Variants in ZMYM1 observed in about 807,000 individuals in gnomAD.
The protein encoded by ZMYM1 is zinc finger MYM-type containing 1.
ZMYM1 carries 39 observed loss-of-function variants against 60.0 expected under a neutral mutation model. The ratio of observed to expected loss-of-function variants is 0.65; its 90% CI spans 0.50 to 0.85. ZMYM1 has a LOEUF of 0.85. Among genes scored for constraint, ZMYM1 ranks in the 40% least tolerant of loss-of-function variants. The pLI is 0.00. For synonymous variants in ZMYM1, 413 were observed against 454.0 expected (o/e 0.91, Z 1.15); for missense variants, 1,171 against 1,309.5 (o/e 0.89, Z 1.63).
intron 1 of ZMYM1, among the ~76,000 whole-genome samples, chr1:35,079,747 G>T (rs905163125): frequency 1.3e-5 from 2 of 152,164 alleles, no homozygotes; most frequent in Non-Finnish European, 2.9e-5. Context: ...CTTTAGTCTC[G>T]CTCCGCAGCC....
intron 1 of ZMYM1, among the ~76,000 whole-genome samples, chr1:35,091,115 G>T (rs1032063198): frequency 6.6e-6 from 1 of 152,104 alleles, no homozygotes; most frequent in East Asian, 1.9e-4. Context: ...GGTTTGTGGG[G>T]GTAATAAAAG....
rs139790124 is a variant in ZMYM1 at position 35,073,521 on chromosome 1, C to A, written c.-300-5473C>A. On this transcript the variant is annotated intron_variant, in intron 1 of 10. Coordinates refer to the ZMYM1 transcript ENST00000417119. The stretch of plus-strand genomic sequence containing the variant: ...CAGGCTGCAGTGAGCTATGATCACA[C>A]CACTTCACGCCAGCCTAGGTGATAG... Among the ~76,000 whole-genome samples, 144 of 146,738 alleles carry A rather than the reference C, an allele frequency of 9.8e-4. 6 individuals are homozygous for A. In the East Asian group the frequency reaches 0.013, roughly 13 times the overall value.
At chr1:35,076,919 GA>G (rs1251857376), upstream of ZMYM1, among the ~76,000 whole-genome samples, 1 of 144,100 alleles carries the variant, frequency 6.9e-6, no homozygotes, top group Non-Finnish European at 1.5e-5. Context: ...AGGGTGACAA[GA>G]GCAAAACTCT....
intron 1 of ZMYM1, among the ~76,000 whole-genome samples, chr1:35,083,969 A>G (rs1460792551): frequency 2.6e-5 from 4 of 152,154 alleles, no homozygotes; most frequent in Non-Finnish European, 5.9e-5. Context: ...CTTATCCTAG[A>G]ACTGAATAAG....
intron 4 of ZMYM1, among the ~76,000 whole-genome samples, chr1:35,102,642 C>A (rs1643720584): frequency 6.6e-6 from 1 of 152,084 alleles, no homozygotes; most frequent in East Asian, 1.9e-4. Flanking sequence ...AAGAAAATAT[C>A]TGCAGATACC....
At chr1:35,118,543 C>G (rs1455962133), downstream of ZMYM1, among the ~76,000 whole-genome samples, 2 of 151,816 alleles carry the variant, frequency 1.3e-5, no homozygotes, top group African/African-American at 4.8e-5. Context: ...GAAACCCCGT[C>G]TCTACTAAAA....
chr1:35,105,581 A>G (rs1041918579), intron 6 of ZMYM1, among the ~76,000 whole-genome samples: 1 of 152,196 alleles, frequency 6.6e-6, no homozygotes, highest in Non-Finnish European at 1.5e-5. Flanking sequence ...TTACAGGCGT[A>G]AGCCACTGTG....
At chr1:35,079,638 C>G (rs2148484233) in intron 1 of ZMYM1, among the ~76,000 whole-genome samples, 196 bp downstream of exon 1, 1 of 152,300 alleles carries the variant, frequency 6.6e-6, no homozygotes, top group East Asian at 1.9e-4. Context: ...TGTTTGCCGC[C>G]TCCTTTAACC....
intron 1 of ZMYM1, 80 bp from the exon 2 acceptor site, chr1:35,093,833 AC>A: frequency 4.0e-6 from 2 of 499,858 alleles, no homozygotes; most frequent in Non-Finnish European, 3.5e-6. Context: ...CTGTCTAAAG[AC>A]CCTTTTGTGG....
chr1:35,095,951 CT>C (rs1643292292), intron 3 of ZMYM1, 60 bp downstream of exon 3: 1 of 1,222,360 alleles, frequency 8.2e-7, no homozygotes, highest in Non-Finnish European at 1.2e-6. Flanking sequence ...CTGATTCATT[CT>C]TTTTTAATGC....
chr1:35,099,031 T>C (rs748367170), intron 4 of ZMYM1, among the ~76,000 whole-genome samples: 6 of 152,240 alleles, frequency 3.9e-5, no homozygotes, highest in Non-Finnish European at 7.3e-5. Context: ...TATCTGTTTT[T>C]GATAAATGTA....
upstream of ZMYM1, among the ~76,000 whole-genome samples, chr1:35,075,436 A>C (rs113284742): frequency 0.014 from 2,131 of 152,054 alleles, 57 homozygotes; most frequent in African/African-American, 0.048. Context: ...GGTTCAAGTG[A>C]TTCTCCTGCC....
chr1:35,106,899 T>G (rs1643907678), intron 6 of ZMYM1, among the ~76,000 whole-genome samples: 1 of 151,488 alleles, frequency 6.6e-6, no homozygotes, highest in Non-Finnish European at 1.5e-5. Flanking sequence ...TCGCCCAGGC[T>G]GGAGTGCAGT....
chr1:35,083,238 C>A (rs568124419), intron 1 of ZMYM1, among the ~76,000 whole-genome samples: 1 of 151,872 alleles, frequency 6.6e-6, no homozygotes, highest in Non-Finnish European at 1.5e-5. Flanking sequence ...TGTAGCCTCA[C>A]CCTCCCGGCT....
intron 1 of ZMYM1, among the ~76,000 whole-genome samples, chr1:35,064,010 T>C (rs1253442012): frequency 6.6e-6 from 1 of 152,148 alleles, no homozygotes; most frequent in Non-Finnish European, 1.5e-5. Flanking sequence ...CCAGTACATC[T>C]GTAATCTGCA....
downstream of ZMYM1, among the ~76,000 whole-genome samples, chr1:35,118,740 A>T (rs937438016): frequency 5.3e-5 from 8 of 152,080 alleles, no homozygotes; most frequent in South Asian, 4.1e-4. Flanking sequence ...TCTTGTTTTC[A>T]TTTTCAAGTG....
intron 1 of ZMYM1, among the ~76,000 whole-genome samples, chr1:35,063,421 C>T (rs1236749662): frequency 2.0e-5 from 3 of 152,160 alleles, no homozygotes; most frequent in African/African-American, 2.4e-5. Context: ...AATCCTCCCA[C>T]TTTAGCCTCC....
chr1:35,075,905 T>C (rs1441088403), upstream of ZMYM1, among the ~76,000 whole-genome samples: 4 of 152,206 alleles, frequency 2.6e-5, no homozygotes, highest in East Asian at 7.7e-4. Flanking sequence ...AGGCTGACTA[T>C]TGTGCTCAAC....
intron 4 of ZMYM1, among the ~76,000 whole-genome samples, chr1:35,102,472 T>C (rs2148539159): frequency 6.6e-6 from 1 of 152,352 alleles, no homozygotes; most frequent in Non-Finnish European, 1.5e-5. Context: ...AAATCACCAC[T>C]AATCTCAGAA....
Sources: gnomAD v4.1 joint callset for allele counts (sites outside exome capture counted in the v4.1 genomes callset) on GRCh38, gnomAD v4.1.1 for gene constraint, MANE v1.5 for transcripts, NCBI Gene and HGNC (gene_info 2026-07-23, HGNC 2026-07-21) for gene names.